Variants in SLC16A12 observed in about 807,000 individuals in gnomAD.
SLC16A12 encodes monocarboxylate transporter 12.
SLC16A12 carries 17 observed loss-of-function variants against 42.4 expected under a neutral mutation model. That is an observed-to-expected ratio of 0.40 (90% CI 0.27 to 0.60). SLC16A12 has a LOEUF of 0.60. Ranked by LOEUF, SLC16A12 falls within the 20% of genes least tolerant of loss-of-function variation. SLC16A12 has a pLI of 0.42. For synonymous variants in SLC16A12, 224 were observed against 229.4 expected (o/e 0.98, Z 0.21); for missense variants, 544 against 623.0 (o/e 0.87, Z 1.35).
At chr10:89,464,926 C>T (rs1842367509) in intron 2 of SLC16A12, among the ~76,000 whole-genome samples, 1 of 152,164 alleles carries the variant, frequency 6.6e-6, no homozygotes, top group Admixed American at 6.5e-5. Flanking sequence ...AATTATAAAT[C>T]TATCAAAAGT....
chr10:89,515,215 C>T (rs1482581131), intron 2 of SLC16A12, among the ~76,000 whole-genome samples: 1 of 152,088 alleles, frequency 6.6e-6, no homozygotes, highest in Non-Finnish European at 1.5e-5. Flanking sequence ...CATGGATTTC[C>T]CAAGACCACT....
At position 89,432,791 on chromosome 10, in the gene SLC16A12, T is replaced by G. The variant is rs554839307; in HGVS notation, c.*273A>C. On this transcript the variant is annotated 3_prime_UTR_variant, in exon 8 of 8. Transcript: ENST00000371790. ...CCTAATTACAGCTAATTATATCAGC[T>G]GTGTCCTTACATTTCTTACAGAGCT... 1.8e-5 allele frequency: 7 copies of G among 399,342 alleles called. No homozygotes were observed. The East Asian group carries it at 3.7e-4, about 21-fold the overall frequency. 24.7% of individuals were successfully genotyped at this position (399,342 alleles called of 1,614,324 possible).
At chr10:89,533,004 A>G (rs1843581000) in intron 2 of SLC16A12, among the ~76,000 whole-genome samples, 1 of 152,202 alleles carries the variant, frequency 6.6e-6, no homozygotes, top group African/African-American at 2.4e-5. Flanking sequence ...CACCAAGGTG[A>G]TCTCCCTGCA....
At chr10:89,499,189 C>A (rs1246695083) in intron 2 of SLC16A12, among the ~76,000 whole-genome samples, 1 of 152,036 alleles carries the variant, frequency 6.6e-6, no homozygotes, top group African/African-American at 2.4e-5. Context: ...CAGGGAGGCA[C>A]CAGAGAAAGA....
At chr10:89,509,372 G>C (rs1843125896) in intron 2 of SLC16A12, among the ~76,000 whole-genome samples, 3 of 152,170 alleles carry the variant, frequency 2.0e-5, no homozygotes, top group Non-Finnish European at 2.9e-5. Flanking sequence ...GAATCCAGTG[G>C]CACATCAAAA....
At chr10:89,449,958 G>C (rs11203131) in intron 3 of SLC16A12, among the ~76,000 whole-genome samples, 54,643 of 152,008 alleles carry the variant, frequency 0.36, 10,146 homozygotes, top group African/African-American at 0.43. Flanking sequence ...AGGATATGAA[G>C]AGACACTTTT....
intron 2 of SLC16A12, among the ~76,000 whole-genome samples, chr10:89,533,879 AG>A (rs1349087079): frequency 2.0e-5 from 3 of 152,018 alleles, no homozygotes; most frequent in Non-Finnish European, 2.9e-5. Flanking sequence ...TGATGTGATT[AG>A]GTGATGCTAG....
intron 2 of SLC16A12, among the ~76,000 whole-genome samples, chr10:89,503,290 T>G (rs1243692255): frequency 6.6e-6 from 1 of 152,218 alleles, no homozygotes. Context: ...TAGGCCTTGT[T>G]TTATTTGAAA....
rs774687059 is a variant in SLC16A12 at position 89,499,383 on chromosome 10, C to A, written c.-47+35118G>T. ...CAGCCTGACCAACATGGAGAACGCT[C>A]GTCTCTACTAAAAATACAAAATTAG... On this transcript the variant is annotated intron_variant, in intron 2 of 7. Coordinates refer to ENST00000371790, the MANE Select transcript of SLC16A12 (RefSeq NM_213606.4). Among the ~76,000 whole-genome samples, 3 of 152,142 alleles carry A rather than the reference C, an allele frequency of 2.0e-5. No individual in the cohort carries two copies. The East Asian group carries it at 5.8e-4, about 29-fold the overall frequency.
At chr10:89,497,199 T>C (rs1842932474) in intron 2 of SLC16A12, among the ~76,000 whole-genome samples, 1 of 152,246 alleles carries the variant, frequency 6.6e-6, no homozygotes, top group Non-Finnish European at 1.5e-5. Flanking sequence ...GGGAACTCTG[T>C]ACTTTCTGTT....
chr10:89,501,439 C>G (rs934915308), intron 2 of SLC16A12, among the ~76,000 whole-genome samples: 1 of 152,138 alleles, frequency 6.6e-6, no homozygotes, highest in South Asian at 2.1e-4. Context: ...CAGCATGGTA[C>G]TAGTATAAAA....
At chr10:89,503,432 G>A (rs948315978) in intron 2 of SLC16A12, among the ~76,000 whole-genome samples, 1 of 152,158 alleles carries the variant, frequency 6.6e-6, no homozygotes, top group African/African-American at 2.4e-5. Context: ...CCATTAACCT[G>A]CCCAAGACCT....
chr10:89,462,259 A>C (rs1406569997), intron 3 of SLC16A12, 120 bp downstream of exon 3: 1 of 1,393,756 alleles, frequency 7.2e-7, no homozygotes, highest in African/African-American at 1.4e-5. Flanking sequence ...GGAAATACAC[A>C]CACACCACAT....
intron 4 of SLC16A12, among the ~76,000 whole-genome samples, 159 bp from the exon 5 acceptor site, chr10:89,441,410 G>T (rs1482356819): frequency 1.3e-5 from 2 of 152,176 alleles, no homozygotes; most frequent in African/African-American, 2.4e-5. Context: ...GGAAGTGATT[G>T]TCCATGGTCC....
upstream of SLC16A12, among the ~76,000 whole-genome samples, chr10:89,537,664 T>C (rs1479969317): frequency 6.6e-6 from 1 of 152,178 alleles, no homozygotes; most frequent in African/African-American, 2.4e-5. Flanking sequence ...TACCTTTGAG[T>C]TTCAGAAAAA....
chr10:89,538,019 G>A (rs1028009269), upstream of SLC16A12, among the ~76,000 whole-genome samples: 2 of 152,230 alleles, frequency 1.3e-5, no homozygotes, highest in Non-Finnish European at 1.5e-5. Context: ...GGATACAGAC[G>A]GGTCACTTCT....
At chr10:89,544,608 C>A (rs951568239) in intron 2 of SLC16A12, among the ~76,000 whole-genome samples, 2 of 152,066 alleles carry the variant, frequency 1.3e-5, no homozygotes, top group African/African-American at 4.8e-5. Flanking sequence ...ATATTAAGAG[C>A]AATTCTTTGG....
intron 2 of SLC16A12, among the ~76,000 whole-genome samples, chr10:89,482,686 A>G (rs1842684589): frequency 6.6e-6 from 1 of 151,820 alleles, no homozygotes; most frequent in Admixed American, 6.6e-5. Flanking sequence ...AGGGAAGCTG[A>G]GGTGGGAGGA....
At chr10:89,554,094 A>T (rs1348420328) in intron 2 of SLC16A12, among the ~76,000 whole-genome samples, 1 of 98,800 alleles carries the variant, frequency 1.0e-5, no homozygotes, top group Non-Finnish European at 2.4e-5. Flanking sequence ...GAAAGAAAGA[A>T]AGAAAGAAGG....
Sources: allele counts gnomAD v4.1 joint callset (sites outside exome capture counted in the v4.1 genomes callset), GRCh38; gene constraint gnomAD v4.1.1; transcripts MANE v1.5; gene names NCBI Gene and HGNC (gene_info 2026-07-23, HGNC 2026-07-21).